Variants in TMEM132C observed in about 807,000 individuals in gnomAD.
The protein encoded by TMEM132C is transmembrane protein 132C.
TMEM132C carries 29 observed loss-of-function variants against 61.4 expected under a neutral mutation model. The ratio of observed to expected loss-of-function variants is 0.47; its 90% confidence interval spans 0.35 to 0.64. The LOEUF (loss-of-function observed/expected upper bound fraction) is 0.64. Ranked by LOEUF, TMEM132C falls within the 30% of genes least tolerant of loss-of-function variation. TMEM132C has a pLI of 0.00. For missense variants in TMEM132C, 1,408 were observed against 1,476.9 expected, an observed-to-expected ratio of 0.95 and a Z score of 0.76; for synonymous variants, 656 against 633.1, an observed-to-expected ratio of 1.04 and a Z score of -0.54.
rs548903078 is a variant in TMEM132C, at chr12:128,608,597, AG to A, written c.1122-7554del. Among the ~76,000 whole-genome samples the A allele has an allele frequency of 6.7e-3, 1,025 of 152,372 alleles. 8 individuals are homozygous for A. Among genetic ancestry groups the A allele is most frequent in the Non-Finnish European group, 0.011 (736 of 68,036 alleles). ...TAGAAATTAGGAAATAAAGAAAAAAAGAAAGTGAAAAGCTTGTTAATCACAG... is the reference window on the plus strand; with the variant it reads ...TAGAAATTAGGAAATAAAGAAAAAAAAAAGTGAAAAGCTTGTTAATCACAG... On this transcript the variant is annotated intron_variant, in intron 3 of 8. Transcript: ENST00000435159.
At chr12:128,327,506 C>T (rs1434391704) in intron 1 of TMEM132C, among the ~76,000 whole-genome samples, 1 of 139,874 alleles carries the variant, frequency 7.1e-6, no homozygotes, top group Non-Finnish European at 1.5e-5. Context: ...CCTCAACCTC[C>T]CGAGTAGCTG....
At chr12:128,539,342 C>T (rs1565967345) in intron 2 of TMEM132C, among the ~76,000 whole-genome samples, 1 of 152,192 alleles carries the variant, frequency 6.6e-6, no homozygotes, top group African/African-American at 2.4e-5. Flanking sequence ...GTGGGCTGGG[C>T]GTGGTGTCTC....
At chr12:128,486,899 AC>A (rs1565950545) in intron 2 of TMEM132C, among the ~76,000 whole-genome samples, 54 of 151,820 alleles carry the variant, frequency 3.6e-4, no homozygotes, top group African/African-American at 1.0e-3. Context: ...ACACACACAC[AC>A]ACACACACAC....
chr12:128,521,929 G>A (rs566751359), intron 2 of TMEM132C, among the ~76,000 whole-genome samples: 28 of 152,262 alleles, frequency 1.8e-4, no homozygotes, highest in South Asian at 6.2e-4. Flanking sequence ...TGGCCAGGGA[G>A]GTAAAGATTA....
Position 128,654,956 on chromosome 12 carries a change from C to T in TMEM132C, c.1306-14461C>T, listed in dbSNP as rs370452725. Reference sequence around the variant, plus strand: ...AGCCTCCTCTCTCCTCTGTCCCCTGCCCTGCCACCTCGGGGTCTCCCTGCT... The same window carrying T: ...AGCCTCCTCTCTCCTCTGTCCCCTGTCCTGCCACCTCGGGGTCTCCCTGCT... On this transcript the variant is annotated intron_variant, in intron 4 of 8. Coordinates refer to ENST00000435159, the MANE Select transcript of TMEM132C (RefSeq NM_001136103.3). 1.6e-4 allele frequency among the ~76,000 whole-genome samples: 24 copies of T among 152,304 alleles called. No individual in the cohort carries two copies. The South Asian group carries it at 2.9e-3, about 18-fold the overall frequency.
chr12:128,349,633 G>A (rs1046999769), intron 1 of TMEM132C, among the ~76,000 whole-genome samples: 1 of 152,094 alleles, frequency 6.6e-6, no homozygotes, highest in Non-Finnish European at 1.5e-5. Flanking sequence ...AATACCTATT[G>A]GGCTCCTTTT....
At position 128,300,574 on chromosome 12, in the gene TMEM132C, G is replaced by C. The variant is rs1593002795; in HGVS notation, c.85+33087G>C. Reference sequence around the variant, plus strand: ...CACTGAGGACTCTAAGCCTATGAGAGGACACCAAGCAGCCGTATTTTCCAT... The same window carrying C: ...CACTGAGGACTCTAAGCCTATGAGACGACACCAAGCAGCCGTATTTTCCAT... On this transcript the variant is annotated intron_variant, in intron 1 of 8. Transcript: ENST00000435159. Among the ~76,000 whole-genome samples, 4 of 152,102 alleles carry C rather than the reference G, an allele frequency of 2.6e-5. No individual in the cohort carries two copies. The South Asian group carries it at 8.3e-4, about 32-fold the overall frequency.
intron 1 of TMEM132C, among the ~76,000 whole-genome samples, chr12:128,322,682 A>G (rs963090318): frequency 3.9e-5 from 6 of 152,230 alleles, no homozygotes; most frequent in African/African-American, 9.6e-5. Context: ...GGTCTGAGAA[A>G]CTGCCCCAAA....
intron 5 of TMEM132C, among the ~76,000 whole-genome samples, chr12:128,693,086 G>A (rs531337915): frequency 6.6e-6 from 1 of 152,300 alleles, no homozygotes; most frequent in East Asian, 1.9e-4. Context: ...GGGTAGGTCA[G>A]GCAAATAGGG....
chr12:128,537,858 A>G (rs1042977991), intron 2 of TMEM132C, among the ~76,000 whole-genome samples: 10 of 152,218 alleles, frequency 6.6e-5, no homozygotes, highest in African/African-American at 2.4e-4. Flanking sequence ...TGGCTTTGAC[A>G]ATGGACCACA....
Position 128,705,076 on chromosome 12 carries a change from C to G in TMEM132C, c.2122-14C>G. 1 of 1,510,944 alleles carries G rather than the reference C, an allele frequency of 6.6e-7. No homozygotes were observed. Among genetic ancestry groups the G allele is most frequent in the Non-Finnish European group, 8.9e-7 (1 of 1,120,996 alleles). 93.6% of individuals were successfully genotyped at this position (1,510,944 alleles called of 1,614,324 possible). A position where few individuals can be genotyped will look rare whatever the true frequency, so the allele number is the denominator to read the frequency against. On this transcript the variant is annotated splice_polypyrimidine_tract_variant and intron_variant, in intron 8 of 8. Coordinates refer to ENST00000435159, the MANE Select transcript of TMEM132C (RefSeq NM_001136103.3). ...ATCCCCCAGGTGGTCTTCTAACTGC[C>G]TGTGTCCCTGCAGGAGGCTGTATTC...
At chr12:128,303,280 C>A (rs913916802) in intron 1 of TMEM132C, among the ~76,000 whole-genome samples, 16 of 152,120 alleles carry the variant, frequency 1.1e-4, no homozygotes, top group Non-Finnish European at 4.4e-5. Context: ...AAAAATGAGT[C>A]CAAATTTTAG....
chr12:128,659,357 T>G (rs1452320722), intron 4 of TMEM132C, among the ~76,000 whole-genome samples: 1 of 152,214 alleles, frequency 6.6e-6, no homozygotes, highest in Non-Finnish European at 1.5e-5. Context: ...AGAAATTCAA[T>G]CCATCTTTCT....
At chr12:128,661,661 T>C (rs567940855) in intron 4 of TMEM132C, among the ~76,000 whole-genome samples, 20 of 151,580 alleles carry the variant, frequency 1.3e-4, no homozygotes, top group African/African-American at 4.8e-4. Flanking sequence ...GGTAAGAGAA[T>C]GGAAAAGTAA....
intron 1 of TMEM132C, among the ~76,000 whole-genome samples, chr12:128,377,158 G>A (rs555097700): frequency 6.6e-6 from 1 of 151,960 alleles, no homozygotes; most frequent in African/African-American, 2.4e-5. Flanking sequence ...AGGTTCAAGC[G>A]ATTCTCCTGC....
chr12:128,577,480 C>T (rs1044502128), intron 3 of TMEM132C, among the ~76,000 whole-genome samples: 3 of 152,230 alleles, frequency 2.0e-5, no homozygotes, highest in Admixed American at 6.5e-5. Context: ...CGGTGACACT[C>T]GCTTTTCCAG....
intron 1 of TMEM132C, among the ~76,000 whole-genome samples, chr12:128,298,353 A>G (rs950185995): frequency 6.6e-6 from 1 of 152,134 alleles, no homozygotes; most frequent in Non-Finnish European, 1.5e-5. Context: ...CAACTGGTAC[A>G]GCGCAAAATG....
At chr12:128,614,180 G>A (rs954005279) in intron 3 of TMEM132C, among the ~76,000 whole-genome samples, 6 of 152,182 alleles carry the variant, frequency 3.9e-5, no homozygotes, top group Non-Finnish European at 7.3e-5. Flanking sequence ...GCTCTACAAA[G>A]CTCGGCCAAC....
intron 2 of TMEM132C, among the ~76,000 whole-genome samples, chr12:128,467,934 G>T (rs925285898): frequency 1.3e-5 from 2 of 152,204 alleles, no homozygotes; most frequent in African/African-American, 2.4e-5. Context: ...GAGGAGAGGG[G>T]CATCAATCAG....
Sources: gnomAD v4.1 joint callset for allele counts (sites outside exome capture counted in the v4.1 genomes callset) on GRCh38, gnomAD v4.1.1 for gene constraint, MANE v1.5 for transcripts, NCBI Gene and HGNC (gene_info 2026-07-23, HGNC 2026-07-21) for gene names.